Variants in RBMS2 observed in about 807,000 individuals in gnomAD.
RBMS2 encodes RNA-binding motif, single-stranded-interacting protein 2.
Under a neutral mutation model 58.4 loss-of-function variants are expected in RBMS2, and 38 were observed. The observed-to-expected ratio is 0.65, with a 90% CI of 0.50 to 0.85. The LOEUF (loss-of-function observed/expected upper bound fraction) is 0.85, where lower values mean the gene tolerates loss of function less well. RBMS2 is among the 40% of genes least tolerant of loss of function. The probability of loss-of-function intolerance (pLI) is 0.00; values close to 1 mark genes in which losing one functional copy is unlikely to be tolerated. For synonymous variants in RBMS2, 151 were observed against 180.7 expected, an observed-to-expected ratio of 0.84 and a Z score of 1.32; for missense variants, 367 against 503.7, an observed-to-expected ratio of 0.73 and a Z score of 2.60.
intron 1 of RBMS2, among the ~76,000 whole-genome samples, chr12:56,535,057 C>T (rs1236422664): frequency 6.6e-6 from 1 of 152,144 alleles, no homozygotes; most frequent in Non-Finnish European, 1.5e-5. Context: ...CCACACTCTC[C>T]TGGTTTTCTT....
At chr12:56,588,179 A>T in intron 11 of RBMS2, 115 bp from the exon 12 acceptor site, 1 of 837,506 alleles carries the variant, frequency 1.2e-6, no homozygotes, top group East Asian at 2.5e-5. Flanking sequence ...CAGACCAATT[A>T]AAATAGAATC....
rs149210158 is a variant in RBMS2, at chr12:56,549,711, T to C, written c.67-12706T>C. Among the ~76,000 whole-genome samples the C allele has an allele frequency of 9.4e-4, 143 of 152,202 alleles. 1 individual carries two copies. Among genetic ancestry groups the C allele is most frequent in the Non-Finnish European group, 1.7e-3 (118 of 68,008 alleles). On this transcript the variant is annotated intron_variant, in intron 1 of 13. Transcript: ENST00000262031. ...AATGGTTCTCAAGGGCCATCAGTCT[T>C]ATGTCAGGCCCTATGCTAGAAAATG...
intron 1 of RBMS2, chr12:56,527,930 C>T (rs1286388083): frequency 1.3e-5 from 2 of 152,006 alleles, no homozygotes; most frequent in Non-Finnish European, 2.9e-5. Flanking sequence ...AAAATATCAA[C>T]TGGACTAAGA....
rs367876158 is a variant in RBMS2 at position 56,530,695 on chromosome 12, CAA to C, written c.66+8608_66+8609del. 1.9e-4 allele frequency among the ~76,000 whole-genome samples: 29 copies of C among 152,184 alleles called. No homozygotes were observed. In the East Asian group the frequency reaches 5.2e-3, roughly 27 times the overall value. ...TCTTAAAGATGGGAGATGTAGGAGACAAATGTAAAGAGAATCATGACCAGTTA... is the reference window on the plus strand; with the variant it reads ...TCTTAAAGATGGGAGATGTAGGAGACATGTAAAGAGAATCATGACCAGTTA... On this transcript the variant is annotated intron_variant, in intron 1 of 13. Coordinates refer to ENST00000262031, the MANE Select transcript of RBMS2 (RefSeq NM_002898.4).
chr12:56,573,375 G>A (rs1882619198), intron 5 of RBMS2, among the ~76,000 whole-genome samples: 1 of 151,072 alleles, frequency 6.6e-6, no homozygotes, highest in South Asian at 2.1e-4. Flanking sequence ...TACTCGGGAG[G>A]CTGAGGCAGG....
intron 1 of RBMS2, among the ~76,000 whole-genome samples, chr12:56,524,330 G>C (rs1872260994): frequency 1.3e-5 from 2 of 152,210 alleles, no homozygotes; most frequent in South Asian, 4.2e-4. Context: ...TAAGGATGCT[G>C]TATCTGTGCA....
intron 1 of RBMS2, among the ~76,000 whole-genome samples, chr12:56,526,398 A>G (rs1872638966): frequency 6.6e-6 from 1 of 152,222 alleles, no homozygotes; most frequent in South Asian, 2.1e-4. Flanking sequence ...ATCAGGAAAG[A>G]TGTTTCCTGA....
intron 4 of RBMS2, 181 bp downstream of exon 4, chr12:56,570,171 A>G (rs566988412): frequency 6.4e-4 from 372 of 583,524 alleles, no homozygotes; most frequent in Admixed American, 1.1e-3. Context: ...TTCAAAGTCT[A>G]TGGCAGGTAG....
chr12:56,557,797 G>A (rs1879500204), intron 1 of RBMS2, among the ~76,000 whole-genome samples: 1 of 148,390 alleles, frequency 6.7e-6, no homozygotes, highest in African/African-American at 2.5e-5. Context: ...GGAGTGCAAT[G>A]GCGCGATGTC....
intron 1 of RBMS2, among the ~76,000 whole-genome samples, chr12:56,559,910 T>G (rs1255057137): frequency 6.8e-6 from 1 of 147,424 alleles, no homozygotes; most frequent in East Asian, 2.1e-4. Context: ...TTTTTTTTTT[T>G]TTGAGACGGA....
intron 1 of RBMS2, among the ~76,000 whole-genome samples, chr12:56,538,348 T>C (rs1200637180): frequency 6.6e-6 from 1 of 151,946 alleles, no homozygotes; most frequent in Non-Finnish European, 1.5e-5. Flanking sequence ...TTTGGGATTT[T>C]GATAGGGATT....
intron 4 of RBMS2, 52 bp downstream of exon 4, chr12:56,570,042 A>C: frequency 1.3e-6 from 2 of 1,513,332 alleles, no homozygotes; most frequent in Non-Finnish European, 1.8e-6. Flanking sequence ...GGTTAGCACC[A>C]AAGTTCCAGT....
At chr12:56,540,185 G>A (rs1437189760) in intron 1 of RBMS2, among the ~76,000 whole-genome samples, 2 of 152,074 alleles carry the variant, frequency 1.3e-5, no homozygotes, top group Admixed American at 6.6e-5. Context: ...TAGGGCCAGA[G>A]CCATGTCTGG....
At chr12:56,526,668 T>TAAA (rs371154715) in intron 1 of RBMS2, among the ~76,000 whole-genome samples, 3 of 117,460 alleles carry the variant, frequency 2.6e-5, no homozygotes, top group East Asian at 2.4e-4. Flanking sequence ...CTTGGTTCAT[T>TAAA]AAAAAAAAAA....
chr12:56,539,945 C>T (rs1399406757), intron 1 of RBMS2, among the ~76,000 whole-genome samples: 1 of 152,186 alleles, frequency 6.6e-6, no homozygotes, highest in Non-Finnish European at 1.5e-5. Context: ...ACCGTGTGCT[C>T]CCTCTTTCTG....
intron 5 of RBMS2, among the ~76,000 whole-genome samples, chr12:56,575,386 A>G (rs1336591729): frequency 6.6e-6 from 1 of 152,048 alleles, no homozygotes; most frequent in Non-Finnish European, 1.5e-5. Context: ...GCAGTCAACC[A>G]TGATCACACC....
At chr12:56,543,068 C>G (rs1267488300) in intron 1 of RBMS2, among the ~76,000 whole-genome samples, 1 of 152,058 alleles carries the variant, frequency 6.6e-6, no homozygotes, top group Non-Finnish European at 1.5e-5. Flanking sequence ...GAGACAGTAT[C>G]TCACTGTGTT....
At chr12:56,575,967 GT>G (rs1368796940) in intron 5 of RBMS2, among the ~76,000 whole-genome samples, 2 of 151,882 alleles carry the variant, frequency 1.3e-5, no homozygotes, top group Non-Finnish European at 2.9e-5. Flanking sequence ...GTTACCCACA[GT>G]CAACTGAAAA....
chr12:56,525,476 G>T (rs1274025328), intron 1 of RBMS2, among the ~76,000 whole-genome samples: 1 of 151,488 alleles, frequency 6.6e-6, no homozygotes, highest in Non-Finnish European at 1.5e-5. Context: ...CCTGCCTCGG[G>T]TTCCCAACGT....
Sources: gnomAD v4.1 joint callset for allele counts (sites outside exome capture counted in the v4.1 genomes callset) on GRCh38, gnomAD v4.1.1 for gene constraint, MANE v1.5 for transcripts, NCBI Gene and HGNC (gene_info 2026-07-23, HGNC 2026-07-21) for gene names.